The following NEBL variants were observed in gnomAD, a reference collection of about 807,000 sequenced individuals.
The protein encoded by NEBL is nebulette, also known as LIM and SH3 protein 2.
Under a neutral mutation model 140.2 loss-of-function variants are expected in NEBL, and 122 were observed. That is an observed-to-expected ratio of 0.87 (90% confidence interval 0.75 to 1.01). The LOEUF (loss-of-function observed/expected upper bound fraction) is 1.01, where lower values mean the gene tolerates loss of function less well. Ranked by LOEUF, NEBL falls within the 50% of genes least tolerant of loss-of-function variation. The pLI, the probability that NEBL is intolerant of heterozygous loss-of-function variation, is 0.00. For synonymous variants in NEBL, 436 were observed against 398.9 expected (o/e 1.09, Z -1.11); for missense variants, 1,365 against 1,231.3 (o/e 1.11, Z -1.62).
At position 20,806,586 on chromosome 10, in the gene NEBL, G is replaced by C. The variant is rs115082239; in HGVS notation, c.2761+1924C>G. ...GTTATTGTAGCCCTCATTCCACCCC[G>C]TCACAGGCCTGATTCTGCTCTTCAT... On this transcript the variant is annotated intron_variant, in intron 26 of 27. Coordinates refer to ENST00000377122, the MANE Select transcript of NEBL (RefSeq NM_006393.3). Among the ~76,000 whole-genome samples, 595 of 152,190 alleles carry C rather than the reference G, an allele frequency of 3.9e-3. 5 individuals are homozygous for C. The highest frequency in any genetic ancestry group is 0.014 in the African/African-American group (569 of 41,528).
chr10:20,993,614 G>A (rs1458992001), intron 3 of NEBL, among the ~76,000 whole-genome samples: 1 of 152,160 alleles, frequency 6.6e-6, no homozygotes, highest in Non-Finnish European at 1.5e-5. Flanking sequence ...ATGGGTTGCA[G>A]GGATGCCATG....
intron 3 of NEBL, among the ~76,000 whole-genome samples, chr10:21,180,446 T>A (rs1564538139): frequency 6.6e-6 from 1 of 152,210 alleles, no homozygotes; most frequent in East Asian, 1.9e-4. Context: ...ACAAGTGTCA[T>A]TCTCTTTCTC....
At chr10:20,846,272 T>A (rs564065350) in intron 11 of NEBL, among the ~76,000 whole-genome samples, 1 of 152,250 alleles carries the variant, frequency 6.6e-6, no homozygotes, top group South Asian at 2.1e-4. Flanking sequence ...TTTGTTCAAA[T>A]TGCATCCCTG....
intron 4 of NEBL, among the ~76,000 whole-genome samples, chr10:20,908,848 A>G (rs796851280): frequency 3.9e-4 from 60 of 152,312 alleles, no homozygotes; most frequent in African/African-American, 1.4e-3. Context: ...GGGCATTTCA[A>G]GGTATACAGT....
rs1844911733 is a variant in NEBL, at chr10:20,871,321, A to C, written c.481-1480T>G. Among the ~76,000 whole-genome samples the C allele has an allele frequency of 2.6e-5, 4 of 152,208 alleles. No individual in the cohort carries two copies. In the South Asian group the frequency reaches 8.3e-4, roughly 32 times the overall value. On this transcript the variant is annotated intron_variant, in intron 5 of 27. Transcript: ENST00000377122. Reference sequence around the variant, plus strand: ...AACAGAATTTTGACAGATGGTGCCCAAAAATCTAATTTTAATGAATTCCCT... The same window carrying C: ...AACAGAATTTTGACAGATGGTGCCCCAAAATCTAATTTTAATGAATTCCCT...
intron 2 of NEBL, among the ~76,000 whole-genome samples, chr10:21,144,459 C>T (rs1839794909): frequency 6.6e-6 from 1 of 152,214 alleles, no homozygotes; most frequent in Non-Finnish European, 1.5e-5. Flanking sequence ...GGTGCTGTGG[C>T]TCACGCCTGT....
chr10:20,933,456 G>A (rs1056668873), intron 4 of NEBL, among the ~76,000 whole-genome samples: 1 of 152,162 alleles, frequency 6.6e-6, no homozygotes, highest in Non-Finnish European at 1.5e-5. Flanking sequence ...GAAGAAGGCC[G>A]GGTGCGGTGG....
chr10:21,258,470 C>T (rs1037490265), intron 1 of NEBL, among the ~76,000 whole-genome samples: 6 of 152,008 alleles, frequency 3.9e-5, no homozygotes, highest in African/African-American at 1.2e-4. Context: ...TTTGGGAGGC[C>T]GAGACAGGTG....
intron 1 of NEBL, among the ~76,000 whole-genome samples, chr10:21,263,402 G>A (rs758129191): frequency 5.9e-5 from 9 of 152,110 alleles, no homozygotes; most frequent in Non-Finnish European, 1.2e-4. Flanking sequence ...GGGAAAGGGG[G>A]CGGGGGGTTG....
intron 4 of NEBL, among the ~76,000 whole-genome samples, chr10:20,940,940 A>G (rs1366329984): frequency 6.6e-6 from 1 of 152,258 alleles, no homozygotes; most frequent in African/African-American, 2.4e-5. Flanking sequence ...TGAGGCAATA[A>G]TTAATAGCTT....
rs534464075 is a variant in NEBL, at chr10:20,904,273, T to C, written c.357+57399A>G. Among the ~76,000 whole-genome samples, 5 of 152,302 alleles carry C rather than the reference T, an allele frequency of 3.3e-5. No individual in the cohort carries two copies. In the South Asian group the frequency reaches 1.0e-3, roughly 32 times the overall value. On this transcript the variant is annotated intron_variant, in intron 4 of 6. Transcript: ENST00000417816. Reference sequence around the variant, plus strand: ...GAGACAGACCCTTTTTGCACCTATTTGTAAATGCATTTCAGCATTCCTTAC... The same window carrying C: ...GAGACAGACCCTTTTTGCACCTATTCGTAAATGCATTTCAGCATTCCTTAC...
At chr10:20,787,148 T>C (rs746904872) in intron 27 of NEBL, 54 bp downstream of exon 27, 8 of 1,308,994 alleles carry the variant, frequency 6.1e-6, no homozygotes, top group East Asian at 2.4e-5. Context: ...ATTTACATGC[T>C]TGAGGGGAAA....
intron 10 of NEBL, among the ~76,000 whole-genome samples, chr10:20,852,094 TG>T (rs1294499864): frequency 6.6e-6 from 1 of 152,094 alleles, no homozygotes; most frequent in Non-Finnish European, 1.5e-5. Flanking sequence ...AATTTCATAT[TG>T]GAAAAAAATA....
At chr10:21,237,189 G>C (rs982238150) in intron 3 of NEBL, among the ~76,000 whole-genome samples, 1 of 151,878 alleles carries the variant, frequency 6.6e-6, no homozygotes, top group Non-Finnish European at 1.5e-5. Context: ...TTTTTTGTTT[G>C]TTTGCTTTTG....
At chr10:21,270,234 A>G (rs1447757527) in intron 1 of NEBL, among the ~76,000 whole-genome samples, 2 of 152,210 alleles carry the variant, frequency 1.3e-5, no homozygotes, top group Non-Finnish European at 2.9e-5. Flanking sequence ...TAAATTACTC[A>G]GAAATTATCG....
At chr10:20,808,349 TAA>T (rs1187450894) in intron 26 of NEBL, among the ~76,000 whole-genome samples, 159 bp downstream of exon 26, 36 of 143,330 alleles carry the variant, frequency 2.5e-4, no homozygotes, top group African/African-American at 8.1e-4. Flanking sequence ...GTTTTTTCTT[TAA>T]AAAAAAAAAA....
At chr10:20,947,899 A>T (rs575814706) in intron 4 of NEBL, among the ~76,000 whole-genome samples, 1 of 152,352 alleles carries the variant, frequency 6.6e-6, no homozygotes, top group South Asian at 2.1e-4. Flanking sequence ...TTTTCAGGTT[A>T]TCTGTATGTC....
intron 4 of NEBL, among the ~76,000 whole-genome samples, chr10:20,882,838 C>A (rs570520692): frequency 6.6e-6 from 1 of 152,136 alleles, no homozygotes; most frequent in Non-Finnish European, 1.5e-5. Flanking sequence ...GAGAACTCAA[C>A]CTTGGCCACC....
chr10:20,832,102 T>C (rs1442118386), intron 14 of NEBL, among the ~76,000 whole-genome samples: 2 of 152,230 alleles, frequency 1.3e-5, no homozygotes, highest in East Asian at 3.9e-4. Context: ...CTTAAATAAA[T>C]CATTATTCCC....
Sources: allele counts gnomAD v4.1 joint callset (sites outside exome capture counted in the v4.1 genomes callset), GRCh38; gene constraint gnomAD v4.1.1; transcripts MANE v1.5; gene names NCBI Gene and HGNC (gene_info 2026-07-23, HGNC 2026-07-21).